The following SMC1B variants were observed in gnomAD, a reference collection of about 807,000 sequenced individuals.
The protein encoded by SMC1B is structural maintenance of chromosomes protein 1B.
Under a neutral mutation model 157.9 loss-of-function variants are expected in SMC1B, and 60 were observed. The observed-to-expected ratio is 0.38, with a 90% confidence interval of 0.31 to 0.47. The LOEUF is 0.47. Ranked by LOEUF, SMC1B falls within the 20% of genes least tolerant of loss-of-function variation. The pLI, the probability that SMC1B is intolerant of heterozygous loss-of-function variation, is 0.99. For synonymous variants in SMC1B, 445 were observed against 483.0 expected, an observed-to-expected ratio of 0.92 and a Z score of 1.03; for missense variants, 1,165 against 1,426.2, an observed-to-expected ratio of 0.82 and a Z score of 2.95.
At chr22:45,396,310 A>G (rs777315253) in intron 7 of SMC1B, 36 bp downstream of exon 7, 3 of 1,559,642 alleles carry the variant, frequency 1.9e-6, no homozygotes, top group Non-Finnish European at 2.6e-6. Flanking sequence ...TTTCATTAAG[A>G]ATGATTCTAA....
chr22:45,396,544 T>C, intron 6 of SMC1B, 58 bp from the exon 7 acceptor site: 1 of 1,487,714 alleles, frequency 6.7e-7, no homozygotes. Flanking sequence ...AGAGCAAATT[T>C]CTTTGTATGA....
At chr22:45,377,392 A>G (rs944094855) in intron 12 of SMC1B, among the ~76,000 whole-genome samples, 2 of 151,872 alleles carry the variant, frequency 1.3e-5, no homozygotes, top group African/African-American at 4.8e-5. Flanking sequence ...TAATCCCAGC[A>G]CTTTGGGAGG....
intron 12 of SMC1B, among the ~76,000 whole-genome samples, chr22:45,377,423 G>T (rs1602069881): frequency 6.6e-6 from 1 of 152,006 alleles, no homozygotes; most frequent in South Asian, 2.1e-4. Context: ...CAGATCACAA[G>T]GTCAGGAGTT....
intron 1 of SMC1B, 38 bp downstream of exon 1, chr22:45,413,421 C>A: frequency 1.3e-6 from 2 of 1,512,348 alleles, no homozygotes; most frequent in Non-Finnish European, 1.8e-6. Flanking sequence ...CCTGGGACGG[C>A]GGAGGCGCTC....
At chr22:45,377,530 C>T (rs1329344936) in intron 12 of SMC1B, among the ~76,000 whole-genome samples, 3 of 151,558 alleles carry the variant, frequency 2.0e-5, no homozygotes, top group Admixed American at 6.6e-5. Context: ...CCCAGCTACT[C>T]GGCAGGCTGA....
intron 15 of SMC1B, among the ~76,000 whole-genome samples, chr22:45,364,429 T>C (rs1051859157): frequency 6.6e-6 from 1 of 152,238 alleles, no homozygotes; most frequent in African/African-American, 2.4e-5. Context: ...GACAGTGTTA[T>C]AAAAGTTTTT....
At chr22:45,361,361 C>A (rs569272025) in intron 17 of SMC1B, among the ~76,000 whole-genome samples, 2 of 152,264 alleles carry the variant, frequency 1.3e-5, no homozygotes, top group African/African-American at 4.8e-5. Flanking sequence ...GCCTATAATC[C>A]CAGCACTTTG....
Position 45,402,452 on chromosome 22 carries a change from C to T in SMC1B, c.735G>A (p.Val245=). Residue 245 remains valine (V), a synonymous_variant, in exon 5 of 25, where the codon GTG becomes GTA. Coordinates refer to ENST00000357450, the MANE Select transcript of SMC1B (RefSeq NM_148674.5). The part of the protein sequence containing the change: ...IHLLNTKLEH[V]NRDLSVKRES... ...CTCTTTTGACACTCAAATCCCTATTCACATGCTCTAACTTGGTGTTCAGGA... is the reference window on the plus strand; with the variant it reads ...CTCTTTTGACACTCAAATCCCTATTTACATGCTCTAACTTGGTGTTCAGGA... 1 of 1,613,940 alleles carries T rather than the reference C, an allele frequency of 6.2e-7. No individual in the cohort carries two copies. Among genetic ancestry groups the T allele is most frequent in the South Asian group, 1.1e-5 (1 of 91,070 alleles).
In SMC1B at chr22:45,372,208, A is replaced by C. The variant is rs1436798453; in HGVS notation, c.2143T>G (p.Ser715Ala). ...TTAATCATCTCTAGTTCATTTTGTG[A>C]ATATTTGAGTCGTGTTTGAGTTCCC... ...IQGTQTRLKY[S>A]QNELEMIKKK... The change falls in exon 13 of 25, where the codon TCA becomes GCA. Residue 715 changes from serine to alanine, a missense_variant. Ser to Ala is a moderately conservative substitution (Grantham distance 99). Transcript: ENST00000357450. 1 of 1,612,522 alleles carries C rather than the reference A, an allele frequency of 6.2e-7. No homozygotes were observed. Among genetic ancestry groups the C allele is most frequent in the East Asian group, 2.2e-5 (1 of 44,798 alleles).
intron 4 of SMC1B, among the ~76,000 whole-genome samples, chr22:45,403,610 C>T (rs539438937): frequency 2.0e-5 from 3 of 152,278 alleles, no homozygotes; most frequent in Admixed American, 6.5e-5. Context: ...TGTGCCACCA[C>T]ACCAGGCAAA....
rs376435207 is a variant in SMC1B, at chr22:45,389,784, T to C, written c.1659A>G (p.Ala553=). 78 of 1,614,044 alleles carry C rather than the reference T, an allele frequency of 4.8e-5. 1 individual carries two copies. Among genetic ancestry groups the C allele is most frequent in the African/African-American group, 6.7e-5 (5 of 74,926 alleles). The change falls in exon 10 of 25, where the codon GCA becomes GCG. Residue 553 remains alanine (A), a synonymous_variant. Coordinates refer to ENST00000357450, the MANE Select transcript of SMC1B (RefSeq NM_148674.5). ...TAIVVASEKV[A]KDCIRFLKEE... The stretch of plus-strand genomic sequence containing the variant: ...CCTTCAGAAATCGAATACAATCTTT[T>C]GCTACCTTTTCAGAGGCTACAACAA...
chr22:45,353,559 C>T (rs1362897922), intron 21 of SMC1B, among the ~76,000 whole-genome samples: 1 of 151,924 alleles, frequency 6.6e-6, no homozygotes, highest in Non-Finnish European at 1.5e-5. Context: ...AGTTATTTTC[C>T]TCTCTTTTGT....
intron 11 of SMC1B, among the ~76,000 whole-genome samples, chr22:45,385,040 T>C (rs2146817593): frequency 6.6e-6 from 1 of 152,296 alleles, no homozygotes; most frequent in South Asian, 2.1e-4. Flanking sequence ...ATAATATATA[T>C]GTTTTAGAGT....
At chr22:45,358,104 C>T (rs1419157046) in intron 19 of SMC1B, among the ~76,000 whole-genome samples, 1 of 152,190 alleles carries the variant, frequency 6.6e-6, no homozygotes, top group Non-Finnish European at 1.5e-5. Context: ...GGTGACCACA[C>T]AAGAGATGCT....
chr22:45,387,404 C>T (rs751809549), intron 10 of SMC1B, among the ~76,000 whole-genome samples: 2 of 152,036 alleles, frequency 1.3e-5, no homozygotes, highest in East Asian at 1.9e-4. Context: ...GAGCTGAGAT[C>T]GCGCTACTGC....
chr22:45,347,509 C>T (rs1278273068), intron 23 of SMC1B, among the ~76,000 whole-genome samples: 2 of 152,188 alleles, frequency 1.3e-5, no homozygotes, highest in African/African-American at 4.8e-5. Flanking sequence ...AGGTGCAGAA[C>T]CTACTGGGTG....
chr22:45,385,939 T>C (rs2086984986), intron 11 of SMC1B, among the ~76,000 whole-genome samples: 1 of 152,240 alleles, frequency 6.6e-6, no homozygotes, highest in East Asian at 1.9e-4. Flanking sequence ...GCCTGCTTTT[T>C]GTTAATTTGC....
chr22:45,358,841 CT>C, intron 18 of SMC1B, 46 bp from the exon 19 acceptor site: 1 of 1,420,470 alleles, frequency 7.0e-7, no homozygotes, highest in Non-Finnish European at 9.9e-7. Context: ...AGTTTGTTGT[CT>C]TATATGGGAG....
chr22:45,353,921 C>CAAAAAAAAA, intron 21 of SMC1B, 57 bp downstream of exon 21: 1 of 398,664 alleles, frequency 2.5e-6, no homozygotes, highest in Non-Finnish European at 3.7e-6. Flanking sequence ...AAAAAAAAAA[C>CAAAAAAAAA]AACCACCACC....
Sources: allele counts gnomAD v4.1 joint callset (sites outside exome capture counted in the v4.1 genomes callset), GRCh38; gene constraint gnomAD v4.1.1; transcripts MANE v1.5; gene names NCBI Gene and HGNC (gene_info 2026-07-23, HGNC 2026-07-21).